PAMR1: variants seen among roughly 807,000 people sequenced by gnomAD.
The protein encoded by PAMR1 is peptidase domain containing associated with muscle regeneration 1, also known as inactive serine protease PAMR1.
PAMR1 carries 88 observed loss-of-function variants against 81.8 expected under a neutral mutation model. The observed-to-expected ratio is 1.08, with a 90% confidence interval of 0.91 to 1.28. The LOEUF is 1.28. Ranked by LOEUF, PAMR1 falls within the 50% of genes most tolerant of loss-of-function variation. The pLI is 0.00. For synonymous variants in PAMR1, 336 were observed against 345.3 expected (o/e 0.97, Z 0.30); for missense variants, 935 against 919.7 (o/e 1.02, Z -0.21).
At chr11:35,439,743 T>G in intron 7 of PAMR1, 50 bp from the exon 8 acceptor site, 1 of 1,482,544 alleles carries the variant, frequency 6.7e-7, no homozygotes, top group Non-Finnish European at 9.4e-7. Flanking sequence ...TATTCACTGT[T>G]CATATCATTC....
rs552446300 is a variant in PAMR1 at position 35,477,565 on chromosome 11, C to T, written c.380-2821G>A. On this transcript the variant is annotated intron_variant, in intron 3 of 10. Transcript: ENST00000619888. ...CGTGCAGCCTTGGGCAAGTTACTTC[C>T]TTTGTCAGAACCTCAGTCAACTTGA... Among the ~76,000 whole-genome samples, 55 of 152,336 alleles carry T rather than the reference C, an allele frequency of 3.6e-4. No individual in the cohort carries two copies. In the South Asian group the frequency reaches 3.7e-3, roughly 10 times the overall value.
intron 1 of PAMR1, among the ~76,000 whole-genome samples, chr11:35,510,586 A>G (rs1226310093): frequency 1.3e-5 from 2 of 152,102 alleles, no homozygotes; most frequent in African/African-American, 4.8e-5. Flanking sequence ...AAAAGATGTC[A>G]ACATTTTGAT....
chr11:35,450,985 A>C (rs888569439), intron 6 of PAMR1, among the ~76,000 whole-genome samples: 1 of 152,256 alleles, frequency 6.6e-6, no homozygotes, highest in Non-Finnish European at 1.5e-5. Context: ...GCTAGAGCTC[A>C]TGGCCAAGAA....
intron 1 of PAMR1, among the ~76,000 whole-genome samples, chr11:35,512,769 G>C (rs1026047705): frequency 6.6e-6 from 1 of 152,194 alleles, no homozygotes; most frequent in African/African-American, 2.4e-5. Context: ...GAAGCTGGAG[G>C]ATCTCTTGAG....
In PAMR1 at chr11:35,432,349, G is replaced by A. The variant is rs1231247116; in HGVS notation, c.*7C>T. ...GAAACACTTCTCAAGGAGTGCATGAGCATGGTTCATTTCATATTTCTTTCA... is the reference window on the plus strand; with the variant it reads ...GAAACACTTCTCAAGGAGTGCATGAACATGGTTCATTTCATATTTCTTTCA... On this transcript the variant is annotated 3_prime_UTR_variant, in exon 11 of 11. Transcript: ENST00000619888. 17 of 1,605,872 alleles carry A rather than the reference G, an allele frequency of 1.1e-5. No individual in the cohort carries two copies. Among genetic ancestry groups the A allele is most frequent in the Non-Finnish European group, 1.4e-5 (17 of 1,178,320 alleles).
intron 3 of PAMR1, among the ~76,000 whole-genome samples, chr11:35,482,521 TC>T (rs1850415548): frequency 6.6e-6 from 1 of 152,238 alleles, no homozygotes; most frequent in South Asian, 2.1e-4. Flanking sequence ...CTATATGAGT[TC>T]TTTTTTGGTT....
At chr11:35,450,517 C>T (rs1856392865) in intron 6 of PAMR1, among the ~76,000 whole-genome samples, 1 of 152,174 alleles carries the variant, frequency 6.6e-6, no homozygotes, top group Non-Finnish European at 1.5e-5. Context: ...AGAAATGCCT[C>T]CATGATGTGG....
intron 10 of PAMR1, 38 bp downstream of exon 10, chr11:35,434,474 G>C (rs781576972): frequency 6.3e-7 from 1 of 1,586,082 alleles, no homozygotes; most frequent in Non-Finnish European, 8.6e-7. Context: ...GTTTTTTTGA[G>C]CCAGAGCCCC....
chr11:35,525,461 T>C (rs1851367880), intron 1 of PAMR1, 52 bp downstream of exon 1: 9 of 1,470,040 alleles, frequency 6.1e-6, no homozygotes, highest in Non-Finnish European at 8.5e-6. Flanking sequence ...AGGAGGAAAA[T>C]GCTCCCTCCT....
intron 1 of PAMR1, 127 bp downstream of exon 1, chr11:35,525,385 AC>A: frequency 1.4e-6 from 1 of 712,044 alleles, no homozygotes; most frequent in Non-Finnish European, 2.4e-6. Flanking sequence ...CCCCCCCTCA[AC>A]CCCTCACCCC....
chr11:35,511,997 A>G (rs1195175613), intron 1 of PAMR1, among the ~76,000 whole-genome samples: 1 of 152,016 alleles, frequency 6.6e-6, no homozygotes, highest in Non-Finnish European at 1.5e-5. Context: ...CTGGATCTCA[A>G]CCTCGGTGAC....
intron 6 of PAMR1, among the ~76,000 whole-genome samples, chr11:35,467,756 T>C (rs1315131566): frequency 6.6e-6 from 1 of 152,192 alleles, no homozygotes; most frequent in Non-Finnish European, 1.5e-5. Flanking sequence ...ATTGTATCTT[T>C]CTAAGAGGTA....
rs1447103042 is a variant in PAMR1 at position 35,432,854 on chromosome 11, G to A, written c.1665C>T (p.Ile555=). The part of the protein sequence containing the change: ...AIILHPNYDP[I]LLDADIAILK... Reference sequence around the variant, plus strand: ...GGATGGCGATGTCAGCATCAAGCAGGATGGGGTCATAGTTGGGATGCAGAA... The same window carrying A: ...GGATGGCGATGTCAGCATCAAGCAGAATGGGGTCATAGTTGGGATGCAGAA... Residue 555 remains isoleucine (I), a synonymous_variant, in exon 11 of 11, where the codon ATC becomes ATT. Transcript: ENST00000619888. 2 of 1,597,180 alleles carry A rather than the reference G, an allele frequency of 1.3e-6. No homozygotes were observed.
chr11:35,440,721 C>A (rs1856147158), intron 7 of PAMR1, among the ~76,000 whole-genome samples: 1 of 152,232 alleles, frequency 6.6e-6, no homozygotes, highest in African/African-American at 2.4e-5. Context: ...TTCCACTTTT[C>A]TGTCCAACCT....
At chr11:35,487,115 C>A (rs1250271975) in intron 3 of PAMR1, among the ~76,000 whole-genome samples, 1 of 151,964 alleles carries the variant, frequency 6.6e-6, no homozygotes, top group South Asian at 2.1e-4. Flanking sequence ...TGGAGCACAA[C>A]CAGCCCAGGT....
intron 1 of PAMR1, among the ~76,000 whole-genome samples, chr11:35,515,931 T>A (rs890880589): frequency 6.6e-6 from 1 of 152,144 alleles, no homozygotes; most frequent in Non-Finnish European, 1.5e-5. Context: ...GTAAGTTTCG[T>A]CAAACTATAG....
At chr11:35,439,341 T>A (rs996090053) in intron 8 of PAMR1, among the ~76,000 whole-genome samples, 1 of 152,210 alleles carries the variant, frequency 6.6e-6, no homozygotes, top group Non-Finnish European at 1.5e-5. Context: ...AGGATTCAAG[T>A]CCATTTTCTC....
intron 6 of PAMR1, among the ~76,000 whole-genome samples, chr11:35,457,025 T>G (rs1316812302): frequency 1.3e-5 from 2 of 152,232 alleles, no homozygotes; most frequent in Non-Finnish European, 2.9e-5. Context: ...GCTTCTCTAA[T>G]AGTTTAGAGA....
chr11:35,450,970 T>A (rs1020583687), intron 6 of PAMR1, among the ~76,000 whole-genome samples: 1 of 152,246 alleles, frequency 6.6e-6, no homozygotes, highest in Non-Finnish European at 1.5e-5. Flanking sequence ...TTTTGACCAT[T>A]GCTAGCTAGA....
Sources: allele counts gnomAD v4.1 joint callset (sites outside exome capture counted in the v4.1 genomes callset), GRCh38; gene constraint gnomAD v4.1.1; transcripts MANE v1.5; gene names NCBI Gene and HGNC (gene_info 2026-07-23, HGNC 2026-07-21).